LOC112694756: variants seen among roughly 807,000 people sequenced by gnomAD.
chr16:30,058,816 C>T, the LOC112694756 span: 102 of 389,146 alleles, frequency 2.6e-4, no homozygotes, highest in East Asian at 3.6e-3. Flanking sequence ...TTGCAAGGTT[C>T]TCATTCATTC....
At chr16:30,063,595 T>C in the LOC112694756 span, 10 of 397,840 alleles carry the variant, frequency 2.5e-5, no homozygotes, top group Admixed American at 1.3e-4. Context: ...GCACTGTTCC[T>C]GGGAATGATG....
At chr16:30,069,095 C>A in the LOC112694756 span, 1 of 1,514,202 alleles carries the variant, frequency 6.6e-7, no homozygotes, top group Non-Finnish European at 9.1e-7. Context: ...AGCTTTGGCC[C>A]GTGGAGGACA....
At chr16:30,062,071 C>T in the LOC112694756 span, among the ~76,000 whole-genome samples, 3 of 151,264 alleles carry the variant, frequency 2.0e-5, no homozygotes, top group African/African-American at 4.8e-5. Flanking sequence ...GGTGTAGTGG[C>T]GGGCGCCTGT....
the LOC112694756 span, chr16:30,070,351 CTG>C: frequency 1.3e-6 from 1 of 764,786 alleles, no homozygotes; most frequent in Non-Finnish European, 2.2e-6. Flanking sequence ...GTGGTGTCGT[CTG>C]TGAATGCTAA....
At chr16:30,056,097 C>T in the LOC112694756 span, among the ~76,000 whole-genome samples, 1 of 147,952 alleles carries the variant, frequency 6.8e-6, no homozygotes, top group South Asian at 2.1e-4. Context: ...CACCATGGCC[C>T]AGCCATGGTT....
the LOC112694756 span, among the ~76,000 whole-genome samples, chr16:30,059,419 A>C: frequency 8.6e-5 from 13 of 151,834 alleles, no homozygotes; most frequent in African/African-American, 3.1e-4. Flanking sequence ...AATGCTGTAA[A>C]ACCCGGGAGG....
At chr16:30,065,140 G>A in the LOC112694756 span, among the ~76,000 whole-genome samples, 1 of 152,230 alleles carries the variant, frequency 6.6e-6, no homozygotes, top group Non-Finnish European at 1.5e-5. Context: ...AACTCGGATG[G>A]GGAGGTCTCG....
the LOC112694756 span, among the ~76,000 whole-genome samples, chr16:30,054,296 G>C: frequency 6.6e-6 from 1 of 152,102 alleles, no homozygotes; most frequent in African/African-American, 2.4e-5. Context: ...CAGCCTGGGT[G>C]ACAGTGATAC....
the LOC112694756 span, among the ~76,000 whole-genome samples, chr16:30,056,105 GTTTTT>G: frequency 9.2e-5 from 11 of 119,546 alleles, no homozygotes; most frequent in African/African-American, 3.5e-4. Flanking sequence ...CCCAGCCATG[GTTTTT>G]TTTTTTTTTT....
chr16:30,068,540 C>A, the LOC112694756 span: 11 of 1,294,788 alleles, frequency 8.5e-6, no homozygotes, highest in Non-Finnish European at 1.0e-5. Context: ...GAAGTGGAGG[C>A]TTCAGTGAGC....
chr16:30,054,999 G>T, the LOC112694756 span: 1 of 385,762 alleles, frequency 2.6e-6, no homozygotes, highest in East Asian at 3.6e-5. Context: ...CCCTTCATCT[G>T]CAGGCTCTTA....
chr16:30,062,607 C>A, the LOC112694756 span, among the ~76,000 whole-genome samples: 1 of 151,818 alleles, frequency 6.6e-6, no homozygotes, highest in Non-Finnish European at 1.5e-5. Flanking sequence ...CTTTGGGAGG[C>A]CAAGGCGGGC....
At chr16:30,067,734 G>A in the LOC112694756 span, 1 of 1,565,062 alleles carries the variant, frequency 6.4e-7, no homozygotes, top group African/African-American at 1.4e-5. Flanking sequence ...GTGAGGCAGG[G>A]AATGAATGCT....
chr16:30,070,285 C>A, the LOC112694756 span: 2 of 1,469,750 alleles, frequency 1.4e-6, no homozygotes, highest in South Asian at 2.3e-5. Context: ...GAGGCCGCCT[C>A]CTCGGGGCTC....
the LOC112694756 span, chr16:30,069,902 C>T: frequency 1.9e-6 from 3 of 1,614,150 alleles, no homozygotes; most frequent in South Asian, 2.2e-5. Flanking sequence ...AACAAGTGCC[C>T]CCTGCTGAAG....
At chr16:30,068,854 A>C in the LOC112694756 span, 1 of 1,614,214 alleles carries the variant, frequency 6.2e-7, no homozygotes, top group South Asian at 1.1e-5. Flanking sequence ...GCCCAGTACA[A>C]GAAGGACGGA....
chr16:30,068,694 AC>A, the LOC112694756 span: 1 of 1,614,230 alleles, frequency 6.2e-7, no homozygotes, highest in Non-Finnish European at 8.5e-7. Context: ...CGAGACTACC[AC>A]CCAAGGTGAG....
chr16:30,066,973 C>T, the LOC112694756 span: 3 of 1,554,590 alleles, frequency 1.9e-6, no homozygotes, highest in Non-Finnish European at 2.6e-6. Context: ...TTCCTTTCCC[C>T]CAGTTGCCAG....
chr16:30,066,942 C>T, the LOC112694756 span: 1 of 1,551,106 alleles, frequency 6.4e-7, no homozygotes, highest in South Asian at 1.2e-5. Flanking sequence ...ACATGACCCA[C>T]CTGTCCATGG....
Sources: allele counts gnomAD v4.1 joint callset (sites outside exome capture counted in the v4.1 genomes callset), GRCh38; gene constraint gnomAD v4.1.1; transcripts MANE v1.5.